Variants in RUBCN observed in about 807,000 individuals in gnomAD.
RUBCN encodes the protein rubicon autophagy regulator.
In RUBCN, 74 loss-of-function variants were observed where a neutral mutation model predicts 113.2. The observed-to-expected ratio is 0.65, with a 90% CI of 0.54 to 0.79. RUBCN has a LOEUF of 0.79. Among genes scored for constraint, RUBCN ranks in the 30% least tolerant of loss-of-function variants. The pLI, the probability that RUBCN is intolerant of heterozygous loss-of-function variation, is 0.00. For missense variants in RUBCN, 1,109 were observed against 1,251.7 expected, an observed-to-expected ratio of 0.89 and a Z score of 1.72; for synonymous variants, 480 against 490.0, an observed-to-expected ratio of 0.98 and a Z score of 0.27.
intron 1 of RUBCN, 84 bp downstream of exon 1, chr3:197,736,571 C>A (rs1313848216): frequency 1.4e-6 from 2 of 1,394,344 alleles, no homozygotes; most frequent in Non-Finnish European, 2.0e-6. Context: ...CCCGGCCCTT[C>A]TCTCCGTGAC....
Position 197,681,827 on chromosome 3 carries a change from G to A in RUBCN, c.2191+8C>T. The A allele has an allele frequency of 6.2e-7, 1 of 1,612,732 alleles. No individual in the cohort carries two copies. Among genetic ancestry groups the A allele is most frequent in the Non-Finnish European group, 8.5e-7 (1 of 1,178,780 alleles). On this transcript the variant is annotated splice_region_variant and intron_variant, in intron 15 of 19. Transcript: ENST00000296343. This position sits in a 1 kb window ranked among gnomAD's most constrained non-coding sequence, Gnocchi z 5.5. ...GGAGGCAGCATGGTGGGAAGGGAAGGCACTCACCAGGGTCAGTCCGGATGC... is the reference window on the plus strand; with the variant it reads ...GGAGGCAGCATGGTGGGAAGGGAAGACACTCACCAGGGTCAGTCCGGATGC...
Position 197,704,585 on chromosome 3 carries a change from C to T in RUBCN, c.420G>A (p.Arg140=), listed in dbSNP as rs762944617. The T allele has an allele frequency of 1.2e-6, 2 of 1,614,212 alleles. No individual in the cohort carries two copies. Among genetic ancestry groups the T allele is most frequent in the East Asian group, 2.2e-5 (1 of 44,880 alleles). The change falls in exon 4 of 20, where the codon CGG becomes CGA. Residue 140 remains arginine, a synonymous_variant. Transcript: ENST00000296343. ...TATACTGTCTATCCCCGAGCAGGGGCCGGAGCTGGGCTGAGAGGCAGTGGT... is the reference window on the plus strand; with the variant it reads ...TATACTGTCTATCCCCGAGCAGGGGTCGGAGCTGGGCTGAGAGGCAGTGGT... The part of the protein sequence containing the change: ...LQYHCLSAQL[R]PLLGDRQYIR...
At chr3:197,734,710 G>A (rs1252499149) in intron 1 of RUBCN, among the ~76,000 whole-genome samples, 1 of 152,134 alleles carries the variant, frequency 6.6e-6, no homozygotes, top group Non-Finnish European at 1.5e-5. Context: ...GTGGTAGAGG[G>A]AAATCAAAAC....
chr3:197,698,829 C>CAAAAAAAAAAA (rs113975138), intron 7 of RUBCN, among the ~76,000 whole-genome samples: 1 of 31,094 alleles, frequency 3.2e-5, no homozygotes, highest in Non-Finnish European at 7.2e-5. Context: ...CCTGTCTCTA[C>CAAAAAAAAAAA]AAAAAAAAAA....
intron 14 of RUBCN, 113 bp downstream of exon 14, chr3:197,682,357 A>C: frequency 7.9e-7 from 1 of 1,265,894 alleles, no homozygotes; most frequent in African/African-American, 1.5e-5. Context: ...TTAAATGAAG[A>C]GAACGGTGTG....
At chr3:197,676,088 G>A (rs971154381) in intron 18 of RUBCN, 2 of 604,742 alleles carry the variant, frequency 3.3e-6, no homozygotes, top group Non-Finnish European at 4.2e-6. Flanking sequence ...CGACAATAAC[G>A]ACGTGCGTTT....
intron 1 of RUBCN, among the ~76,000 whole-genome samples, chr3:197,748,802 C>CA (rs1445286009): frequency 6.6e-6 from 1 of 152,082 alleles, no homozygotes; most frequent in Middle Eastern, 3.2e-3. Context: ...GATCCCCAAG[C>CA]AAAAAATAGT....
chr3:197,701,966 T>G (rs983908296), intron 5 of RUBCN, 102 bp from the exon 6 acceptor site: 6 of 1,071,862 alleles, frequency 5.6e-6, no homozygotes, highest in Non-Finnish European at 8.4e-6. Flanking sequence ...AAGCTACCTT[T>G]GCAGTAGGCC....
chr3:197,716,876 T>C (rs1725576325), intron 2 of RUBCN, among the ~76,000 whole-genome samples: 1 of 152,030 alleles, frequency 6.6e-6, no homozygotes, highest in Admixed American at 6.6e-5. Context: ...ATCTCAGCAC[T>C]TTGGGAGGCT....
rs374132021 is a variant in RUBCN at position 197,732,535 on chromosome 3, G to A, written c.65+4120C>T. ...TCACTGTGTTAGCCAGGATGGTCTCGATCTCCTGACCTCGTGATCCACCCA... is the reference window on the plus strand; with the variant it reads ...TCACTGTGTTAGCCAGGATGGTCTCAATCTCCTGACCTCGTGATCCACCCA... On this transcript the variant is annotated intron_variant, in intron 1 of 19. Coordinates refer to ENST00000296343, the MANE Select transcript of RUBCN (RefSeq NM_014687.4). Among the ~76,000 whole-genome samples, 124 of 152,306 alleles carry A rather than the reference G, an allele frequency of 8.1e-4. 2 individuals are homozygous for A. The highest frequency in any genetic ancestry group is 6.6e-3 in the East Asian group (34 of 5,186).
intron 2 of RUBCN, among the ~76,000 whole-genome samples, chr3:197,710,104 A>G (rs570444053): frequency 6.6e-6 from 1 of 151,446 alleles, no homozygotes; most frequent in South Asian, 2.1e-4. Context: ...CAGGAGGCGG[A>G]GGTTGCAGTG....
intron 2 of RUBCN, among the ~76,000 whole-genome samples, chr3:197,717,098 G>A (rs1160730274): frequency 1.3e-5 from 2 of 151,920 alleles, no homozygotes; most frequent in African/African-American, 4.8e-5. Context: ...TCCAGCCTGG[G>A]TGACAGAGCG....
chr3:197,701,752 C>G lies in RUBCN; in HGVS notation c.683G>C (p.Gly228Ala). 6.2e-7 allele frequency: 1 copy of G among 1,614,106 alleles called. No individual in the cohort carries two copies. The highest frequency in any genetic ancestry group is 8.5e-7 in the Non-Finnish European group (1 of 1,180,010). Residue 228 changes from glycine to alanine, a missense_variant, in exon 6 of 20, where the codon GGG (glycine) becomes GCG (alanine). Physicochemically the swap from Gly to Ala is moderately conservative, Grantham distance 60. This residue lies in a region of RUBCN where 736 missense variants were observed against 779.6 expected (regional missense o/e 0.94). Transcript: ENST00000296343. ...PNSYAQHSYF[G>A]SFSSLHQSVP... The stretch of plus-strand genomic sequence containing the variant: ...GGATTGGTGGAGGCTAGAGAAGGAC[C>G]CAAAGTAGGAATGCTGAGCATAGCT...
At chr3:197,743,574 T>C (rs915882428) in intron 1 of RUBCN, among the ~76,000 whole-genome samples, 2 of 152,134 alleles carry the variant, frequency 1.3e-5, no homozygotes, top group African/African-American at 4.8e-5. Flanking sequence ...GAAAAGCTAC[T>C]GCAGCAGAAG....
upstream of RUBCN, among the ~76,000 whole-genome samples, chr3:197,739,486 G>A (rs1439376212): frequency 6.6e-6 from 1 of 150,902 alleles, no homozygotes; most frequent in Non-Finnish European, 1.5e-5. Context: ...GAGGTCAGGA[G>A]ATGGAGACTA....
intron 1 of RUBCN, among the ~76,000 whole-genome samples, chr3:197,727,065 A>G (rs1176956020): frequency 6.6e-6 from 1 of 150,534 alleles, no homozygotes; most frequent in African/African-American, 2.5e-5. Context: ...TCAGCCTCCC[A>G]AGTAGCTGAG....
In RUBCN at chr3:197,675,301, C is replaced by A. The variant is rs1489216505; in HGVS notation, c.2741-105G>T. On this transcript the variant is annotated intron_variant, in intron 19 of 19. Coordinates refer to ENST00000296343, the MANE Select transcript of RUBCN (RefSeq NM_014687.4). The surrounding 1 kb of genome is among the most constrained non-coding windows in gnomAD (Gnocchi z 4.4). ...CCTTCTCGCCACCAAGGCGTGGTGT[C>A]CCCTGGGGAGGCCCCGCGAGGTGCT... is the stretch of plus-strand genomic sequence containing the variant. The A allele has an allele frequency of 2.6e-6, 4 of 1,532,026 alleles. No individual in the cohort carries two copies. The highest frequency in any genetic ancestry group is 2.7e-6 in the Non-Finnish European group (3 of 1,107,016). The allele number at this position is 1,532,026 out of a possible 1,614,324, so 94.9% of individuals were successfully genotyped here.
intron 2 of RUBCN, among the ~76,000 whole-genome samples, chr3:197,715,008 G>A (rs1222490039): frequency 6.6e-6 from 1 of 152,006 alleles, no homozygotes; most frequent in Admixed American, 6.6e-5. Context: ...AAAGAAACTC[G>A]GCTAGGCGCA....
chr3:197,719,203 G>C (rs1433682960), intron 1 of RUBCN, among the ~76,000 whole-genome samples: 2 of 152,134 alleles, frequency 1.3e-5, no homozygotes, highest in Admixed American at 6.6e-5. Context: ...GAGGCTGGAC[G>C]CAGTGGCTCA....
Sources: gnomAD v4.1 joint callset for allele counts (sites outside exome capture counted in the v4.1 genomes callset) on GRCh38, gnomAD v4.1.1 for gene constraint, gnomAD v4.1.1 regional missense constraint, Gnocchi (gnomAD v3.1) non-coding constraint, MANE v1.5 for transcripts, NCBI Gene and HGNC (gene_info 2026-07-23, HGNC 2026-07-21) for gene names.